KCNC4: variants seen among roughly 807,000 people sequenced by gnomAD.
KCNC4 encodes the protein voltage-gated potassium channel KCNC4.
Under a neutral mutation model 42.8 loss-of-function variants are expected in KCNC4, and 23 were observed. The observed-to-expected ratio is 0.54, with a 90% CI of 0.39 to 0.76. The LOEUF (loss-of-function observed/expected upper bound fraction) is 0.76. Ranked by LOEUF, KCNC4 falls within the 30% of genes least tolerant of loss-of-function variation. KCNC4 has a pLI of 0.00. For missense variants in KCNC4, 751 were observed against 898.2 expected (o/e 0.84, Z 2.10); for synonymous variants, 422 against 393.5 (o/e 1.07, Z -0.86).
intron 1 of KCNC4, among the ~76,000 whole-genome samples, chr1:110,262,043 T>G (rs56017482): frequency 0.28 from 42,234 of 152,134 alleles, 6,217 homozygotes; most frequent in Non-Finnish European, 0.33. Flanking sequence ...GTAATACCTT[T>G]AAATCTCTCA....
intron 1 of KCNC4, among the ~76,000 whole-genome samples, chr1:110,275,097 G>T (rs1436945439): frequency 2.6e-5 from 4 of 152,062 alleles, no homozygotes; most frequent in Non-Finnish European, 2.9e-5. Context: ...GAAAATATTT[G>T]CAAACTATGC....
At chr1:110,260,400 T>G (rs1288260238) in intron 1 of KCNC4, among the ~76,000 whole-genome samples, 1 of 152,192 alleles carries the variant, frequency 6.6e-6, no homozygotes, top group East Asian at 1.9e-4. Flanking sequence ...TCTATCAGGT[T>G]TCAGGTTTTT....
Position 110,211,395 on chromosome 1 carries a change from T to A in KCNC4, c.-105T>A. The A allele has an allele frequency of 6.8e-7, 1 of 1,460,172 alleles. No individual in the cohort carries two copies. The highest frequency in any genetic ancestry group is 2.3e-5 in the Admixed American group (1 of 42,690). The allele number at this position is 1,460,172 out of a possible 1,614,324, so 90.5% of individuals were successfully genotyped here. A position where few individuals can be genotyped will look rare whatever the true frequency, so the allele number is the denominator to read the frequency against. On this transcript the variant is annotated 5_prime_UTR_variant, in exon 1 of 4. Transcript: ENST00000438661. This position sits in a 1 kb window ranked among gnomAD's most constrained non-coding sequence, Gnocchi z 6.5. The stretch of plus-strand genomic sequence containing the variant: ...CGCAGAGGGGGCCGCCACCGCCTCC[T>A]GCCTCCTCTTCGTCTCCTCCCCCTC...
chr1:110,280,321 G>A (rs1454825404), intron 1 of KCNC4, among the ~76,000 whole-genome samples: 1 of 152,096 alleles, frequency 6.6e-6, no homozygotes, highest in Non-Finnish European at 1.5e-5. Flanking sequence ...GAGATTCTGC[G>A]TGCTTGTGCT....
rs367631987 is a variant in KCNC4, at chr1:110,255,131, C to T, written n.31-27403C>T. 3.7e-4 allele frequency among the ~76,000 whole-genome samples: 56 copies of T among 152,308 alleles called. 1 individual carries two copies. The highest frequency in any genetic ancestry group is 9.4e-4 in the African/African-American group (39 of 41,564). ...GGAACATACACTCTCTTTTATTCACCCCTGTAATCCCAGTGCCTGGCACAG... is the reference window on the plus strand; with the variant it reads ...GGAACATACACTCTCTTTTATTCACTCCTGTAATCCCAGTGCCTGGCACAG... On this transcript the variant is annotated intron_variant and non_coding_transcript_variant, in intron 1 of 2. Transcript: ENST00000412512.
chr1:110,254,248 A>G (rs1332849421), intron 1 of KCNC4, among the ~76,000 whole-genome samples: 3 of 152,192 alleles, frequency 2.0e-5, no homozygotes, highest in African/African-American at 7.2e-5. Flanking sequence ...TCTCAGCTAG[A>G]CAGCCTGCGG....
In KCNC4 at chr1:110,211,458, A is replaced by G; in HGVS notation, c.-42A>G. ...CTGCCTCCTCGGGAAGGGTGTTTGG[A>G]GGGCAGCGGCCGCCCCAAGCCGGAG... On this transcript the variant is annotated 5_prime_UTR_variant, in exon 1 of 4. Transcript: ENST00000438661. This position sits in a 1 kb window ranked among gnomAD's most constrained non-coding sequence, Gnocchi z 6.5. The G allele has an allele frequency of 1.9e-6, 3 of 1,568,548 alleles. No homozygotes were observed. The highest frequency in any genetic ancestry group is 2.6e-6 in the Non-Finnish European group (3 of 1,153,876).
exon 4 of KCNC4, chr1:110,246,636 T>C (rs972720702): frequency 6.6e-6 from 1 of 151,984 alleles, no homozygotes; most frequent in African/African-American, 2.4e-5. Flanking sequence ...CCCATGCACA[T>C]AGAAGTGTTT....
Position 110,233,202 on chromosome 1 carries a change from C to T in KCNC4, c.*230C>T. The T allele has an allele frequency of 1.7e-6, 1 of 605,710 alleles. No homozygotes were observed. Among genetic ancestry groups the T allele is most frequent in the Non-Finnish European group, 2.9e-6 (1 of 342,398 alleles). The allele number at this position is 605,710 out of a possible 1,614,324, so 37.5% of individuals were successfully genotyped here. A position where few individuals can be genotyped will look rare whatever the true frequency, so the allele number is the denominator to read the frequency against. ...TATATGCACATATAGTATCTATATTCATACATATTATACTCTTGTGTGTAG... is the reference window on the plus strand; with the variant it reads ...TATATGCACATATAGTATCTATATTTATACATATTATACTCTTGTGTGTAG... On this transcript the variant is annotated 3_prime_UTR_variant, in exon 4 of 4. Coordinates refer to ENST00000438661, the MANE Select transcript of KCNC4 (RefSeq NM_001039574.3).
chr1:110,268,673 G>T (rs2101083309), intron 1 of KCNC4, among the ~76,000 whole-genome samples: 1 of 149,794 alleles, frequency 6.7e-6, no homozygotes, highest in Admixed American at 6.6e-5. Context: ...GAATTCTCGG[G>T]AAGACAGGCT....
At chr1:110,273,805 G>A (rs192105730) in intron 1 of KCNC4, among the ~76,000 whole-genome samples, 3 of 152,302 alleles carry the variant, frequency 2.0e-5, no homozygotes, top group African/African-American at 7.2e-5. Flanking sequence ...AGTAGAGCAG[G>A]TAGCAAAACT....
Position 110,232,822 on chromosome 1 carries a change from C to A in KCNC4, c.1820-89C>A, listed in dbSNP as rs779469412. On this transcript the variant is annotated intron_variant, in intron 3 of 3. Coordinates refer to ENST00000438661, the MANE Select transcript of KCNC4 (RefSeq NM_001039574.3). ...ATTCTTTGTTTCTCCCTTTCTTTTG[C>A]TGAACTCCCTGTCCCCCCAACCCCA... The A allele has an allele frequency of 5.8e-6, 9 of 1,550,884 alleles. No individual in the cohort carries two copies. In the South Asian group the frequency reaches 1.1e-4, roughly 18 times the overall value.
chr1:110,217,891 G>A (rs146671745), intron 1 of KCNC4, among the ~76,000 whole-genome samples: 2,558 of 152,180 alleles, frequency 0.017, 69 homozygotes, highest in African/African-American at 0.058. Flanking sequence ...TCTTACCCCC[G>A]GGACTGCCCC....
chr1:110,274,496 G>A (rs1437699297), intron 1 of KCNC4, among the ~76,000 whole-genome samples: 1 of 152,094 alleles, frequency 6.6e-6, no homozygotes, highest in Non-Finnish European at 1.5e-5. Flanking sequence ...ATTTTTCACA[G>A]AATTAGAAAA....
At chr1:110,250,681 A>T (rs1659235211), downstream of KCNC4, among the ~76,000 whole-genome samples, 1 of 152,170 alleles carries the variant, frequency 6.6e-6, no homozygotes, top group South Asian at 2.1e-4. Context: ...TTATTCACTC[A>T]GTCATCCTAC....
At chr1:110,253,196 T>C (rs563213412), downstream of KCNC4, among the ~76,000 whole-genome samples, 10 of 152,290 alleles carry the variant, frequency 6.6e-5, no homozygotes, top group African/African-American at 2.4e-4. Context: ...GATCATCCCT[T>C]CCTCCCCTTT....
intron 1 of KCNC4, among the ~76,000 whole-genome samples, chr1:110,259,890 T>A (rs1452925667): frequency 6.6e-6 from 1 of 152,200 alleles, no homozygotes; most frequent in Non-Finnish European, 1.5e-5. Flanking sequence ...AGAGGGTGCC[T>A]TTTTGTGTGA....
exon 4 of KCNC4, chr1:110,244,805 G>GC (rs1659109296): frequency 6.6e-6 from 1 of 152,150 alleles, no homozygotes; most frequent in African/African-American, 2.4e-5. Context: ...GAATTAGGGG[G>GC]CCCGAACTCC....
rs1206586283 is a variant in KCNC4 at position 110,210,555 on chromosome 1, C to A, written c.-945C>A. On this transcript the variant is annotated 5_prime_UTR_variant, in exon 1 of 4. Transcript: ENST00000438661. ...GCGCTGAGGCTCCCTCTCCGCGCGG[C>A]CCGGGAAGCCTGCAGGTGTCCTTGG... is the stretch of plus-strand genomic sequence containing the variant. Among the ~76,000 whole-genome samples the A allele has an allele frequency of 6.6e-6, 1 of 151,700 alleles. No individual in the cohort carries two copies. Among genetic ancestry groups the A allele is most frequent in the East Asian group, 1.9e-4 (1 of 5,152 alleles).
Sources: gnomAD v4.1 joint callset for allele counts (sites outside exome capture counted in the v4.1 genomes callset) on GRCh38, gnomAD v4.1.1 for gene constraint, Gnocchi (gnomAD v3.1) non-coding constraint, MANE v1.5 for transcripts, NCBI Gene and HGNC (gene_info 2026-07-23, HGNC 2026-07-21) for gene names.